Variants in GPC5 observed in about 807,000 individuals in gnomAD.
GPC5 encodes the protein glypican-5.
A neutral mutation model predicts 53.9 loss-of-function variants in GPC5; 47 were observed. The ratio of observed to expected loss-of-function variants is 0.87; its 90% CI spans 0.69 to 1.11. The LOEUF is 1.11. GPC5 is among the 50% of genes most tolerant of loss of function. The pLI is 0.00. For synonymous variants in GPC5, 286 were observed against 263.3 expected (o/e 1.09, Z -0.84); for missense variants, 748 against 713.1 (o/e 1.05, Z -0.56).
chr13:92,789,342 T>C (rs1876379777), intron 7 of GPC5, among the ~76,000 whole-genome samples: 1 of 152,172 alleles, frequency 6.6e-6, no homozygotes, highest in East Asian at 1.9e-4. Context: ...AAGGAAATAA[T>C]TGAAAATGTT....
intron 2 of GPC5, among the ~76,000 whole-genome samples, chr13:91,523,849 A>G (rs990629347): frequency 6.6e-6 from 1 of 152,096 alleles, no homozygotes; most frequent in Non-Finnish European, 1.5e-5. Flanking sequence ...TATTTTTTTA[A>G]AGAGTGCATA....
At chr13:91,808,084 T>C (rs2038250145) in intron 5 of GPC5, among the ~76,000 whole-genome samples, 2 of 152,118 alleles carry the variant, frequency 1.3e-5, no homozygotes, top group Non-Finnish European at 2.9e-5. Context: ...TTCTAGACTG[T>C]TTAAGATCTA....
intron 7 of GPC5, among the ~76,000 whole-genome samples, chr13:92,174,909 G>A (rs755870171): frequency 6.6e-6 from 1 of 152,180 alleles, no homozygotes; most frequent in Non-Finnish European, 1.5e-5. Flanking sequence ...GAGTGCAGTG[G>A]CCCCTTCTCA....
intron 7 of GPC5, among the ~76,000 whole-genome samples, chr13:92,369,779 T>C (rs943258275): frequency 6.6e-6 from 1 of 152,220 alleles, no homozygotes; most frequent in African/African-American, 2.4e-5. Flanking sequence ...TTGTATTACA[T>C]ATAGTAACTG....
chr13:92,224,756 T>C (rs561336538), intron 7 of GPC5, among the ~76,000 whole-genome samples: 1 of 152,342 alleles, frequency 6.6e-6, no homozygotes, highest in Non-Finnish European at 1.5e-5. Flanking sequence ...TCACACATGT[T>C]GTCCAAATTC....
rs545891455 is a variant in GPC5, at chr13:92,365,351, T to C, written c.1561+220362T>C. On this transcript the variant is annotated intron_variant, in intron 7 of 7. Coordinates refer to ENST00000377067, the MANE Select transcript of GPC5 (RefSeq NM_004466.6). ...GTAGATAAAAGGTGTTACGGGTATATAGGGCATTTACCATGAATGGAGCTT... is the reference window on the plus strand; with the variant it reads ...GTAGATAAAAGGTGTTACGGGTATACAGGGCATTTACCATGAATGGAGCTT... Among the ~76,000 whole-genome samples, 38 of 151,888 alleles carry C rather than the reference T, an allele frequency of 2.5e-4. 2 individuals carry two copies. The highest frequency in any genetic ancestry group is 8.5e-4 in the African/African-American group (35 of 41,138).
chr13:92,275,042 G>A (rs1415156458), intron 7 of GPC5, among the ~76,000 whole-genome samples: 1 of 151,848 alleles, frequency 6.6e-6, no homozygotes, highest in Non-Finnish European at 1.5e-5. Flanking sequence ...CTTCCCTTGA[G>A]CATAAGATAA....
Position 92,259,246 on chromosome 13 carries a change from G to A in GPC5, c.1561+114257G>A, listed in dbSNP as rs558305348. 7.7e-4 allele frequency among the ~76,000 whole-genome samples: 117 copies of A among 152,202 alleles called. 1 individual carries two copies. The highest frequency in any genetic ancestry group is 1.5e-3 in the Non-Finnish European group (105 of 68,014). On this transcript the variant is annotated intron_variant, in intron 7 of 7. Transcript: ENST00000377067. ...TTCTGGTTTTTAAGTTGTTTTCTAT[G>A]AACTAAATATTTAATTATATTCAGT...
intron 7 of GPC5, among the ~76,000 whole-genome samples, chr13:92,596,309 G>A (rs1883879910): frequency 6.6e-6 from 1 of 151,902 alleles, no homozygotes; most frequent in Admixed American, 6.6e-5. Context: ...AAAATAAAGT[G>A]AGAAATAAAC....
At chr13:91,468,149 A>C (rs1882365055) in intron 2 of GPC5, among the ~76,000 whole-genome samples, 1 of 152,092 alleles carries the variant, frequency 6.6e-6, no homozygotes, top group Non-Finnish European at 1.5e-5. Flanking sequence ...TGTTGCTTCC[A>C]CTTACACTTC....
intron 2 of GPC5, among the ~76,000 whole-genome samples, chr13:91,653,847 T>C (rs2034780217): frequency 1.3e-5 from 2 of 152,194 alleles, no homozygotes; most frequent in Admixed American, 1.3e-4. Context: ...AATGTACAGT[T>C]TGATACATTT....
chr13:92,159,032 C>T (rs1374723826), intron 7 of GPC5, among the ~76,000 whole-genome samples: 1 of 152,172 alleles, frequency 6.6e-6, no homozygotes, highest in Non-Finnish European at 1.5e-5. Context: ...AAGGCACATA[C>T]TTCAAAACCC....
rs1203817116 is a variant in GPC5, at chr13:91,459,871, C to T, written c.325+10949C>T. Reference sequence around the variant, plus strand: ...GATTTTGATATAATTCACAATTCTACACAACAAAACATATTGCCAATATTT... The same window carrying T: ...GATTTTGATATAATTCACAATTCTATACAACAAAACATATTGCCAATATTT... On this transcript the variant is annotated intron_variant, in intron 2 of 7. Transcript: ENST00000377067. Among the ~76,000 whole-genome samples the T allele has an allele frequency of 1.8e-4, 27 of 152,034 alleles. 1 individual carries two copies. Among genetic ancestry groups the T allele is most frequent in the Admixed American group, 1.8e-3 (27 of 15,246 alleles).
intron 6 of GPC5, among the ~76,000 whole-genome samples, chr13:92,051,159 TTGTC>T (rs1404685231): frequency 6.6e-6 from 1 of 152,050 alleles, no homozygotes; most frequent in Non-Finnish European, 1.5e-5. Context: ...GATTCAGTGT[TTGTC>T]TGAGGAAGAG....
intron 5 of GPC5, among the ~76,000 whole-genome samples, chr13:91,902,347 G>C (rs1423050417): frequency 6.6e-6 from 1 of 151,988 alleles, no homozygotes; most frequent in Non-Finnish European, 1.5e-5. Context: ...TCAACAGAGA[G>C]GGAACTAAGA....
intron 7 of GPC5, among the ~76,000 whole-genome samples, chr13:92,750,237 G>A (rs1043365907): frequency 8.6e-5 from 13 of 152,018 alleles, no homozygotes; most frequent in Non-Finnish European, 1.6e-4. Context: ...AAGTTTTCTC[G>A]CAATCATTTT....
chr13:92,284,353 C>T (rs2139173584), intron 7 of GPC5, among the ~76,000 whole-genome samples: 1 of 152,264 alleles, frequency 6.6e-6, no homozygotes, highest in South Asian at 2.1e-4. Context: ...CTATTCCAAT[C>T]ATTAGAAAAA....
intron 7 of GPC5, among the ~76,000 whole-genome samples, chr13:92,804,632 G>T (rs922131814): frequency 5.3e-5 from 8 of 151,956 alleles, no homozygotes; most frequent in Non-Finnish European, 1.0e-4. Flanking sequence ...AATCAGAGTG[G>T]AAGTTGCTGA....
intron 6 of GPC5, among the ~76,000 whole-genome samples, chr13:92,124,411 T>G (rs562780645): frequency 4.1e-4 from 63 of 152,220 alleles, no homozygotes; most frequent in African/African-American, 1.5e-3. Context: ...AAAGGTTCTT[T>G]TTACTTGAAA....
Sources: gnomAD v4.1 joint callset for allele counts (sites outside exome capture counted in the v4.1 genomes callset) on GRCh38, gnomAD v4.1.1 for gene constraint, MANE v1.5 for transcripts, NCBI Gene and HGNC (gene_info 2026-07-23, HGNC 2026-07-21) for gene names.